SFRP1: variants seen among roughly 807,000 people sequenced by gnomAD.
SFRP1 encodes secreted frizzled-related protein 1.
A neutral mutation model predicts 25.9 loss-of-function variants in SFRP1; 9 were observed. The observed-to-expected ratio is 0.35, with a 90% confidence interval of 0.21 to 0.61. SFRP1 has a LOEUF of 0.61. Ranked by LOEUF, SFRP1 falls within the 20% of genes least tolerant of loss-of-function variation. The pLI is 0.78. For missense variants in SFRP1, 346 were observed against 418.2 expected (o/e 0.83, Z 1.51); for synonymous variants, 178 against 174.0 (o/e 1.02, Z -0.18).
intron 2 of SFRP1, among the ~76,000 whole-genome samples, chr8:41,282,262 T>C (rs1388484370): frequency 2.0e-5 from 3 of 152,226 alleles, no homozygotes; most frequent in Non-Finnish European, 4.4e-5. Context: ...AGGCCTATAA[T>C]CCCAACACTC....
chr8:41,282,009 C>T (rs1803639953), intron 2 of SFRP1, among the ~76,000 whole-genome samples: 1 of 152,214 alleles, frequency 6.6e-6, no homozygotes, highest in East Asian at 1.9e-4. Context: ...AGCTGGAGAC[C>T]TTCAGAGCAC....
intron 2 of SFRP1, among the ~76,000 whole-genome samples, chr8:41,301,953 A>G (rs1009309217): frequency 2.0e-5 from 3 of 152,216 alleles, no homozygotes; most frequent in Non-Finnish European, 2.9e-5. Flanking sequence ...CTACACCTTA[A>G]GGTCAACCTT....
chr8:41,273,487 A>C (rs1221586076), intron 2 of SFRP1, among the ~76,000 whole-genome samples: 1 of 152,216 alleles, frequency 6.6e-6, no homozygotes, highest in African/African-American at 2.4e-5. Context: ...CTCAAAAAAA[A>C]AAGGCATTAT....
In SFRP1 at chr8:41,265,006, G is replaced by T; in HGVS notation, c.*161C>A. ...CCCTGGGGTTTGGAGCGTGGCTATG[G>T]AGGGAAGGGAGCGGGAATGCTGCAA... On this transcript the variant is annotated 3_prime_UTR_variant, in exon 3 of 3. Transcript: ENST00000220772. 2 of 611,478 alleles carry T rather than the reference G, an allele frequency of 3.3e-6. No individual in the cohort carries two copies. The highest frequency in any genetic ancestry group is 5.5e-5 in the East Asian group (2 of 36,098). The allele number at this position is 611,478 out of a possible 1,614,324, so 37.9% of individuals were successfully genotyped here.
At chr8:41,304,477 G>A (rs984833440) in intron 1 of SFRP1, among the ~76,000 whole-genome samples, 14 of 151,944 alleles carry the variant, frequency 9.2e-5, no homozygotes, top group African/African-American at 3.1e-4. Flanking sequence ...AAAACATCAC[G>A]AGCACATTCT....
At chr8:41,278,310 G>A (rs1449750095) in intron 2 of SFRP1, among the ~76,000 whole-genome samples, 1 of 152,220 alleles carries the variant, frequency 6.6e-6, no homozygotes, top group Non-Finnish European at 1.5e-5. Context: ...CGGACCCCAA[G>A]TGGAGAGTCA....
rs1489122526 is a variant in SFRP1, at chr8:41,263,886, G to C, written c.*1281C>G. The C allele has an allele frequency of 1.3e-5, 2 of 152,206 alleles. No individual in the cohort carries two copies. The highest frequency in any genetic ancestry group is 2.9e-5 in the Non-Finnish European group (2 of 68,038). 9.4% of individuals were successfully genotyped at this position (152,206 alleles called of 1,614,324 possible). On this transcript the variant is annotated 3_prime_UTR_variant, in exon 3 of 3. Transcript: ENST00000220772. ...TATATGTAAAAAGTGCGGGGGGACA[G>C]GCAGGCTGTTCTGAATTTCTTTGAT...
intron 2 of SFRP1, among the ~76,000 whole-genome samples, chr8:41,273,935 G>T (rs552783907): frequency 6.6e-6 from 1 of 152,278 alleles, no homozygotes; most frequent in African/African-American, 2.4e-5. Context: ...AAGAAGGCAG[G>T]TATTCAGCTT....
In SFRP1 at chr8:41,264,349, A is replaced by G. The variant is rs907029612; in HGVS notation, c.*818T>C. ...TTTCTTTTTTAACTATGTGTTTTGA[A>G]AACTACTGCCTTCTCAGCCCGAAAA... On this transcript the variant is annotated 3_prime_UTR_variant, in exon 3 of 3. Coordinates refer to ENST00000220772, the MANE Select transcript of SFRP1 (RefSeq NM_003012.5). 2.0e-5 allele frequency: 3 copies of G among 152,142 alleles called. No individual in the cohort carries two copies. Among genetic ancestry groups the G allele is most frequent in the Non-Finnish European group, 4.4e-5 (3 of 68,026 alleles). The allele number at this position is 152,142 out of a possible 1,614,324, so 9.4% of individuals were successfully genotyped here. A position where few individuals can be genotyped will look rare whatever the true frequency, so the allele number is the denominator to read the frequency against.
chr8:41,301,992 C>T (rs1232139216), intron 2 of SFRP1, among the ~76,000 whole-genome samples: 1 of 152,232 alleles, frequency 6.6e-6, no homozygotes, highest in African/African-American at 2.4e-5. Context: ...CCCAGGCTTG[C>T]CTCTTCAGCC....
chr8:41,282,063 C>G (rs542049377), intron 2 of SFRP1, among the ~76,000 whole-genome samples: 1 of 152,324 alleles, frequency 6.6e-6, no homozygotes, highest in African/African-American at 2.4e-5. Context: ...TTCCTCTCGT[C>G]ACCCTATAGG....
chr8:41,302,667 C>T (rs985213391), intron 2 of SFRP1, among the ~76,000 whole-genome samples: 6 of 152,112 alleles, frequency 3.9e-5, no homozygotes, highest in African/African-American at 7.2e-5. Context: ...AAAGGGGTGC[C>T]GTTTACATTT....
intron 1 of SFRP1, chr8:41,307,038 C>G (rs911835099): frequency 7.0e-7 from 1 of 1,434,176 alleles, no homozygotes; most frequent in African/African-American, 1.4e-5. Flanking sequence ...GGAATGGACT[C>G]CAGGTCAGGG....
rs2117473955 is a variant in SFRP1, at chr8:41,264,128, C to T, written c.*1039G>A. The T allele has an allele frequency of 6.6e-6, 1 of 152,274 alleles. No individual in the cohort carries two copies. The highest frequency in any genetic ancestry group is 3.4e-3 in the Middle Eastern group (1 of 294). 9.4% of individuals were successfully genotyped at this position (152,274 alleles called of 1,614,324 possible). ...AAGCAGCCTCGGACGGATCAGGAGA[C>T]CTTGTTCTAGCACACCTTTCAAATG... On this transcript the variant is annotated 3_prime_UTR_variant, in exon 3 of 3. Transcript: ENST00000220772.
At chr8:41,292,949 A>G (rs1803795942) in intron 2 of SFRP1, among the ~76,000 whole-genome samples, 1 of 152,144 alleles carries the variant, frequency 6.6e-6, no homozygotes, top group South Asian at 2.1e-4. Flanking sequence ...GTGCCTCTAC[A>G]TCTCAGAACA....
intron 2 of SFRP1, among the ~76,000 whole-genome samples, chr8:41,278,448 A>G (rs1803596492): frequency 6.6e-6 from 1 of 152,174 alleles, no homozygotes; most frequent in African/African-American, 2.4e-5. Flanking sequence ...TTGCAAAACG[A>G]ATGTGTTCAT....
At chr8:41,272,989 C>T (rs1241089765) in intron 2 of SFRP1, among the ~76,000 whole-genome samples, 3 of 152,178 alleles carry the variant, frequency 2.0e-5, no homozygotes, top group Non-Finnish European at 2.9e-5. Context: ...TTTATCAATA[C>T]AGACACTGGA....
At chr8:41,304,128 G>A (rs902861850) in intron 1 of SFRP1, among the ~76,000 whole-genome samples, 12 of 152,040 alleles carry the variant, frequency 7.9e-5, no homozygotes, top group African/African-American at 1.7e-4. Flanking sequence ...ACTAACAGGC[G>A]CTGCCAAATG....
At chr8:41,274,000 C>T (rs977767433) in intron 2 of SFRP1, among the ~76,000 whole-genome samples, 1 of 152,292 alleles carries the variant, frequency 6.6e-6, no homozygotes, top group Non-Finnish European at 1.5e-5. Flanking sequence ...CTTCTCCTGC[C>T]CTTGCACATC....
Sources: gnomAD v4.1 joint callset for allele counts (sites outside exome capture counted in the v4.1 genomes callset) on GRCh38, gnomAD v4.1.1 for gene constraint, MANE v1.5 for transcripts, NCBI Gene and HGNC (gene_info 2026-07-23, HGNC 2026-07-21) for gene names.